Variants in CTIF observed in about 807,000 individuals in gnomAD.
CTIF encodes the protein CBP80/20-dependent translation initiation factor.
Under a neutral mutation model 66.0 loss-of-function variants are expected in CTIF, and 21 were observed. The observed-to-expected ratio is 0.32, with a 90% CI of 0.23 to 0.46. CTIF has a LOEUF of 0.46. CTIF is among the 20% of genes least tolerant of loss of function. CTIF has a pLI of 1.00. For synonymous variants in CTIF, 345 were observed against 326.4 expected (o/e 1.06, Z -0.62); for missense variants, 739 against 812.7 (o/e 0.91, Z 1.10).
chr18:48,731,759 T>C (rs2092458476), intron 7 of CTIF, among the ~76,000 whole-genome samples: 1 of 152,168 alleles, frequency 6.6e-6, no homozygotes, highest in African/African-American at 2.4e-5. Context: ...ATAACAGCAA[T>C]TATTGAAGCT....
At chr18:48,778,338 G>A (rs1276339951) in intron 9 of CTIF, among the ~76,000 whole-genome samples, 1 of 152,206 alleles carries the variant, frequency 6.6e-6, no homozygotes, top group Non-Finnish European at 1.5e-5. Flanking sequence ...GGAGGCGGGA[G>A]CCCCAGGTCT....
intron 8 of CTIF, among the ~76,000 whole-genome samples, chr18:48,758,928 A>G (rs1023782426): frequency 1.8e-4 from 27 of 152,164 alleles, no homozygotes; most frequent in African/African-American, 6.5e-4. Context: ...CGCCTTCATC[A>G]CCCAGAGGCC....
chr18:48,690,993 T>C (rs2091917080), intron 6 of CTIF, among the ~76,000 whole-genome samples: 1 of 152,074 alleles, frequency 6.6e-6, no homozygotes, highest in Admixed American at 6.5e-5. Flanking sequence ...TGGGAGCCAC[T>C]CACCACGAGC....
chr18:48,730,226 C>T (rs577799850), intron 7 of CTIF, among the ~76,000 whole-genome samples: 175 of 135,346 alleles, frequency 1.3e-3, no homozygotes, highest in African/African-American at 4.9e-3. Flanking sequence ...GAGGAGCCCC[C>T]GAAGTGTGAG....
At chr18:48,820,742 C>T (rs958792446) in intron 10 of CTIF, among the ~76,000 whole-genome samples, 1 of 152,178 alleles carries the variant, frequency 6.6e-6, no homozygotes, top group Admixed American at 6.5e-5. Flanking sequence ...CCCCGGGGCT[C>T]CCCTGCAGTG....
At chr18:48,715,038 G>A (rs944784213) in intron 7 of CTIF, among the ~76,000 whole-genome samples, 2 of 152,168 alleles carry the variant, frequency 1.3e-5, no homozygotes, top group Non-Finnish European at 1.5e-5. Context: ...CAGCAAACCC[G>A]GAAAGCCTTG....
At chr18:48,857,695 C>T in intron 11 of CTIF, 54 bp downstream of exon 11, 1 of 1,541,368 alleles carries the variant, frequency 6.5e-7, no homozygotes, top group Non-Finnish European at 8.8e-7. Flanking sequence ...ATCTCTCATG[C>T]CTTAACAGTT....
chr18:48,703,666 G>T (rs770681713), intron 6 of CTIF, among the ~76,000 whole-genome samples: 8 of 152,144 alleles, frequency 5.3e-5, no homozygotes, highest in Non-Finnish European at 1.2e-4. Flanking sequence ...AGGTTAAGTG[G>T]GCATTGGATT....
intron 7 of CTIF, among the ~76,000 whole-genome samples, chr18:48,742,164 G>C (rs1270598941): frequency 6.6e-6 from 1 of 152,176 alleles, no homozygotes; most frequent in Non-Finnish European, 1.5e-5. Flanking sequence ...TTTTCTCATG[G>C]GCCAGGGTGA....
At chr18:48,705,497 TAA>T (rs1171414461) in intron 6 of CTIF, among the ~76,000 whole-genome samples, 1 of 152,252 alleles carries the variant, frequency 6.6e-6, no homozygotes, top group Non-Finnish European at 1.5e-5. Context: ...TATTTTCAAA[TAA>T]AGTCACGTTC....
intron 1 of CTIF, among the ~76,000 whole-genome samples, chr18:48,573,962 A>C (rs1016692071): frequency 6.6e-6 from 1 of 152,216 alleles, no homozygotes; most frequent in Non-Finnish European, 1.5e-5. Flanking sequence ...AGGCAGTCGC[A>C]TCCCCAGCAG....
At chr18:48,641,368 G>C (rs1457378101) in intron 3 of CTIF, among the ~76,000 whole-genome samples, 2 of 152,206 alleles carry the variant, frequency 1.3e-5, no homozygotes, top group African/African-American at 4.8e-5. Context: ...TTGACGGAAG[G>C]ACTTGTTGGC....
intron 9 of CTIF, among the ~76,000 whole-genome samples, chr18:48,768,238 A>T (rs1234137438): frequency 6.6e-6 from 1 of 152,148 alleles, no homozygotes; most frequent in African/African-American, 2.4e-5. Flanking sequence ...AGGGAGACTG[A>T]TATCGATTCC....
At position 48,716,583 on chromosome 18, in the gene CTIF, C is replaced by G. The variant is rs544839962; in HGVS notation, c.584+4888C>G. On this transcript the variant is annotated intron_variant, in intron 7 of 11. Coordinates refer to ENST00000256413, the MANE Select transcript of CTIF (RefSeq NM_014772.3). ...CCCCAGAAGTCGTCCCCACATGGCT[C>G]CCTAGAAACAGAGCCATGTGGGTGG... Among the ~76,000 whole-genome samples the G allele has an allele frequency of 2.6e-5, 4 of 152,202 alleles. No homozygotes were observed. In the East Asian group the frequency reaches 7.8e-4, roughly 30 times the overall value.
chr18:48,662,898 A>T (rs1223792409), intron 3 of CTIF, among the ~76,000 whole-genome samples: 1 of 152,090 alleles, frequency 6.6e-6, no homozygotes. Flanking sequence ...TATTTATCGA[A>T]TCAGCTGATG....
At chr18:48,800,543 A>G (rs2068027128) in intron 9 of CTIF, among the ~76,000 whole-genome samples, 1 of 151,964 alleles carries the variant, frequency 6.6e-6, no homozygotes, top group South Asian at 2.1e-4. Context: ...CCCACCATAC[A>G]CTGGCCAAGG....
chr18:48,824,840 C>A, intron 10 of CTIF, among the ~76,000 whole-genome samples: 1 of 152,174 alleles, frequency 6.6e-6, no homozygotes, highest in East Asian at 1.9e-4. Flanking sequence ...CGGGGTTTCG[C>A]CATGTTGGCC....
intron 9 of CTIF, among the ~76,000 whole-genome samples, chr18:48,783,561 G>A (rs1451209170): frequency 6.6e-6 from 1 of 152,296 alleles, no homozygotes; most frequent in Admixed American, 6.5e-5. Flanking sequence ...AAGAGGAACT[G>A]TTGAGTGTGT....
At chr18:48,663,258 T>C (rs2091377151) in intron 3 of CTIF, among the ~76,000 whole-genome samples, 1 of 152,132 alleles carries the variant, frequency 6.6e-6, no homozygotes, top group Non-Finnish European at 1.5e-5. Context: ...GTGGGTCACA[T>C]AGGGAACACT....
Sources: allele counts gnomAD v4.1 joint callset (sites outside exome capture counted in the v4.1 genomes callset), GRCh38; gene constraint gnomAD v4.1.1; transcripts MANE v1.5; gene names NCBI Gene and HGNC (gene_info 2026-07-23, HGNC 2026-07-21).